Variants in DNAH17 observed in about 807,000 individuals in gnomAD.
The protein encoded by DNAH17 is dynein axonemal heavy chain 17.
DNAH17 carries 376 observed loss-of-function variants against 485.6 expected under a neutral mutation model. The ratio of observed to expected loss-of-function variants is 0.77; its 90% CI spans 0.71 to 0.84. DNAH17 has a LOEUF of 0.84. Among genes scored for constraint, DNAH17 ranks in the 40% least tolerant of loss-of-function variants. The pLI, the probability that DNAH17 is intolerant of heterozygous loss-of-function variation, is 0.00. For missense variants in DNAH17, 6,370 were observed against 5,839.3 expected, an observed-to-expected ratio of 1.09 and a Z score of -2.96; for synonymous variants, 3,031 against 2,405.9, an observed-to-expected ratio of 1.26 and a Z score of -7.60.
intron 14 of DNAH17, among the ~76,000 whole-genome samples, chr17:78,554,435 T>TAAAA (rs2091974492): frequency 4.1e-5 from 1 of 24,322 alleles, no homozygotes. Flanking sequence ...AGACTCTGTC[T>TAAAA]CAAAAAAAAA....
chr17:78,512,276 G>T lies in DNAH17; in HGVS notation c.4114-1770C>A, dbSNP rs186312232. ...GGGGTATGTTCTCACCGTTGTTCTT[G>T]CATTCTTTCATGCCAAGACCTGTCC... On this transcript the variant is annotated intron_variant, in intron 26 of 80. Coordinates refer to ENST00000389840, the MANE Select transcript of DNAH17 (RefSeq NM_173628.4). Among the ~76,000 whole-genome samples, 406 of 152,288 alleles carry T rather than the reference G, an allele frequency of 2.7e-3. 3 individuals are homozygous for T. Among genetic ancestry groups the T allele is most frequent in the African/African-American group, 9.3e-3 (387 of 41,556 alleles).
intron 21 of DNAH17, 138 bp downstream of exon 21, chr17:78,530,205 G>T: frequency 1.0e-6 from 1 of 1,003,606 alleles, no homozygotes; most frequent in Non-Finnish European, 1.4e-6. Context: ...TGGTGGGGTA[G>T]TTGGCCTTGA....
chr17:78,539,569 G>T (rs897377699), intron 18 of DNAH17, among the ~76,000 whole-genome samples, 168 bp downstream of exon 18: 1 of 152,198 alleles, frequency 6.6e-6, no homozygotes, highest in African/African-American at 2.4e-5. Flanking sequence ...GGGGATTCTG[G>T]AATGCAGGAC....
intron 19 of DNAH17, 78 bp downstream of exon 19, chr17:78,537,221 T>C (rs1277713818): frequency 1.4e-6 from 2 of 1,436,618 alleles, no homozygotes; most frequent in Non-Finnish European, 1.9e-6. Flanking sequence ...GGCGAAGCCT[T>C]GCCGAGTTAG....
chr17:78,558,086 T>C (rs752418491), intron 14 of DNAH17, 22 bp downstream of exon 14: 4 of 1,599,644 alleles, frequency 2.5e-6, no homozygotes, highest in Non-Finnish European at 3.4e-6. Flanking sequence ...GCATCAGGAA[T>C]AGTACCGACT....
intron 75 of DNAH17, among the ~76,000 whole-genome samples, chr17:78,432,805 C>CAGGCCCTGAGGTGG (rs2086722152): frequency 6.6e-6 from 1 of 151,854 alleles, no homozygotes; most frequent in Non-Finnish European, 1.5e-5. Flanking sequence ...ATTGAACCCC[C>CAGGCCCTGAGGTGG]AGGCCCTGAG....
intron 27 of DNAH17, among the ~76,000 whole-genome samples, chr17:78,508,041 G>C (rs1174895131): frequency 6.6e-6 from 1 of 152,158 alleles, no homozygotes; most frequent in Non-Finnish European, 1.5e-5. Flanking sequence ...ATGAAGTACA[G>C]ACACCTGCCA....
At chr17:78,526,035 G>A (rs879325356) in intron 24 of DNAH17, among the ~76,000 whole-genome samples, 1 of 152,224 alleles carries the variant, frequency 6.6e-6, no homozygotes, top group Admixed American at 6.5e-5. Context: ...GAACTGACAA[G>A]GGCCCCACTG....
chr17:78,464,265 T>A (rs902826147), intron 56 of DNAH17, among the ~76,000 whole-genome samples: 2 of 152,120 alleles, frequency 1.3e-5, no homozygotes, highest in Admixed American at 6.5e-5. Flanking sequence ...CTTTCACTGT[T>A]TTTTGTTTTT....
At chr17:78,484,538 C>A (rs1184914741) in intron 48 of DNAH17, among the ~76,000 whole-genome samples, 4 of 150,148 alleles carry the variant, frequency 2.7e-5, no homozygotes, top group African/African-American at 7.4e-5. Context: ...CCTCTCCCGG[C>A]GGGACAGACA....
At position 78,567,186 on chromosome 17, in the gene DNAH17, C is replaced by G; in HGVS notation, c.1285-20G>C. On this transcript the variant is annotated intron_variant, in intron 9 of 80. Transcript: ENST00000389840. ...GAGTTCCTAGTGGAGGAGAAAAACA[C>G]AGTCAATTCATCTTCACAACCCAAC... 1 of 1,578,954 alleles carries G rather than the reference C, an allele frequency of 6.3e-7. No homozygotes were observed. Among genetic ancestry groups the G allele is most frequent in the Non-Finnish European group, 8.6e-7 (1 of 1,162,260 alleles).
chr17:78,426,567 G>A lies in DNAH17; in HGVS notation c.12805C>T (p.Leu4269=), dbSNP rs752698632. The A allele has an allele frequency of 1.2e-6, 2 of 1,612,390 alleles. No individual in the cohort carries two copies. Among genetic ancestry groups the A allele is most frequent in the African/African-American group, 2.7e-5 (2 of 74,918 alleles). Residue 4269 remains leucine, a synonymous_variant, in exon 79 of 81, where the codon CTG becomes TTG. Transcript: ENST00000389840. ...ELTITTDVED[L]STALFYDTVP... ...GTGTCATAGAAGAGAGCCGTGGACA[G>A]ATCTTCCACGTCGGTCGTGATGGTC...
Position 78,571,605 on chromosome 17 carries a change from C to G in DNAH17, c.717G>C (p.Lys239Asn). Reference sequence around the variant, plus strand: ...GAGGCCGTACCTGTTCATGGATGCACTTGAGGTTCAGCAGCCGAGTGTCCC... The same window carrying G: ...GAGGCCGTACCTGTTCATGGATGCAGTTGAGGTTCAGCAGCCGAGTGTCCC... Reference protein sequence around the residue: ...EFWDTRLLNLKCIHEQLNRPK... With the variant: ...EFWDTRLLNLNCIHEQLNRPK... The change falls in exon 4 of 81, where the codon AAG (lysine) becomes AAC (asparagine). Residue 239 changes from lysine (K) to asparagine (N), a missense_variant. Transcript: ENST00000389840. 1 of 1,613,932 alleles carries G rather than the reference C, an allele frequency of 6.2e-7. No homozygotes were observed. The highest frequency in any genetic ancestry group is 2.2e-5 in the East Asian group (1 of 44,866).
At chr17:78,483,546 C>T (rs2089444456) in intron 48 of DNAH17, among the ~76,000 whole-genome samples, 4 of 152,152 alleles carry the variant, frequency 2.6e-5, no homozygotes, top group Admixed American at 2.6e-4. Context: ...AGGAGAATCG[C>T]TGGAACCCAG....
chr17:78,495,336 C>T (rs539835823), intron 38 of DNAH17, among the ~76,000 whole-genome samples: 1 of 152,322 alleles, frequency 6.6e-6, no homozygotes, highest in South Asian at 2.1e-4. Context: ...CCCCAACCCC[C>T]CAACCCTGCT....
At chr17:78,530,042 A>G (rs972444658) in intron 21 of DNAH17, among the ~76,000 whole-genome samples, 6 of 152,172 alleles carry the variant, frequency 3.9e-5, no homozygotes, top group African/African-American at 1.2e-4. Context: ...ATAATCCCAC[A>G]GCTGCCAGTC....
chr17:78,458,516 T>C, intron 62 of DNAH17, 49 bp downstream of exon 62: 1 of 1,528,754 alleles, frequency 6.5e-7, no homozygotes, highest in Non-Finnish European at 9.1e-7. Context: ...GGCTTGTCCC[T>C]TTCAGGGGGT....
At position 78,462,312 on chromosome 17, in the gene DNAH17, T is replaced by C. The variant is rs1185021203; in HGVS notation, c.9174+532A>G. Among the ~76,000 whole-genome samples, 4 of 150,166 alleles carry C rather than the reference T, an allele frequency of 2.7e-5. No individual in the cohort carries two copies. In the East Asian group the frequency reaches 7.8e-4, roughly 29 times the overall value. ...AGCTCCCCTGGAAGCAAGTGGGAGG[T>C]CCCAGTCTGTTCACAACTCCAGCAG... On this transcript the variant is annotated intron_variant, in intron 57 of 80. Transcript: ENST00000389840.
Position 78,554,968 on chromosome 17 carries a change from A to C in DNAH17, c.2179-2163T>G, listed in dbSNP as rs951073095. 3.3e-5 allele frequency among the ~76,000 whole-genome samples: 5 copies of C among 152,068 alleles called. No homozygotes were observed. In the East Asian group the frequency reaches 9.6e-4, roughly 29 times the overall value. ...TAGCACGTTGGCCAGGCTGGCCTCG[A>C]ACTCCTGACCTCAAGTGATCCACCC... On this transcript the variant is annotated intron_variant, in intron 14 of 80. Transcript: ENST00000389840.
Sources: allele counts gnomAD v4.1 joint callset (sites outside exome capture counted in the v4.1 genomes callset), GRCh38; gene constraint gnomAD v4.1.1; transcripts MANE v1.5; gene names NCBI Gene and HGNC (gene_info 2026-07-23, HGNC 2026-07-21).